Variants in CIC observed in about 807,000 individuals in gnomAD.
CIC encodes the protein protein capicua homolog.
CIC carries 18 observed loss-of-function variants against 115.7 expected under a neutral mutation model. That is an observed-to-expected ratio of 0.16 (90% CI 0.11 to 0.23). The LOEUF is 0.23. Among genes scored for constraint, CIC ranks in the 10% least tolerant of loss-of-function variants. CIC has a pLI of 1.00. For missense variants in CIC, 2,000 were observed against 2,159.3 expected (o/e 0.93, Z 1.46); for synonymous variants, 1,076 against 923.0 (o/e 1.17, Z -3.01).
rs2037763587 is a variant in CIC, at chr19:42,287,789, T to C, written c.3493-21T>C. 1 of 1,613,934 alleles carries C rather than the reference T, an allele frequency of 6.2e-7. No homozygotes were observed. Among genetic ancestry groups the C allele is most frequent in the African/African-American group, 1.3e-5 (1 of 74,906 alleles). On this transcript the variant is annotated intron_variant, in intron 6 of 20. Coordinates refer to ENST00000681038, the MANE Select transcript of CIC (RefSeq NM_001386298.1). This position sits in a 1 kb window ranked among gnomAD's most constrained non-coding sequence, Gnocchi z 8.7. ...CTGGTGGGGTGGGTGAGTGAAGGGT[T>C]GCCCTGCCCTCTCCTGCCAGGTGAA...
chr19:42,293,462 C>T (rs1014296645), intron 16 of CIC, 130 bp from the exon 17 acceptor site: 1 of 1,507,258 alleles, frequency 6.6e-7, no homozygotes, highest in Non-Finnish European at 9.0e-7. Context: ...CTGTCTTGGC[C>T]TTCCTGAGGC....
Position 42,291,734 on chromosome 19 carries a change from C to T in CIC, c.5602C>T (p.Pro1868Ser), listed in dbSNP as rs762576250. ...FSVPVQNGAQ[P>S]PSKIIQLTPV... Reference sequence around the variant, plus strand: ...AGTACCTGTGCAGAATGGTGCCCAGCCCCCCAGCAAGGTGAGGGCCTGCCT... The same window carrying T: ...AGTACCTGTGCAGAATGGTGCCCAGTCCCCCAGCAAGGTGAGGGCCTGCCT... The change falls in exon 12 of 21, where the codon CCC becomes TCC. Residue 1868 changes from proline (P) to serine (S), a missense_variant. Pro to Ser is a moderately conservative substitution (Grantham distance 74). Coordinates refer to ENST00000681038, the MANE Select transcript of CIC (RefSeq NM_001386298.1). 1 of 1,612,992 alleles carries T rather than the reference C, an allele frequency of 6.2e-7. No homozygotes were observed. The highest frequency in any genetic ancestry group is 1.1e-5 in the South Asian group (1 of 91,088).
chr19:42,288,988 TGGG>T lies in CIC; in HGVS notation c.3762_3764del (p.Gly1255del). On this transcript the variant is annotated inframe_deletion, in exon 8 of 21. Transcript: ENST00000681038. ...GTGGGGCAGAACGGCTACACACAGT[TGGG>T]GGACCTGGCTCAGCCCGGCCCCGAG... 6.2e-7 allele frequency: 1 copy of T among 1,613,884 alleles called. No homozygotes were observed. Among genetic ancestry groups the T allele is most frequent in the African/African-American group, 1.3e-5 (1 of 75,038 alleles).
intron 19 of CIC, 102 bp from the exon 20 acceptor site, chr19:42,294,502 C>A: frequency 6.3e-7 from 1 of 1,582,898 alleles, no homozygotes. Flanking sequence ...TCTGACTCCC[C>A]TGTGAAATAG....
intron 9 of CIC, among the ~76,000 whole-genome samples, 178 bp downstream of exon 9, chr19:42,289,584 C>T (rs2147238561): frequency 1.3e-5 from 2 of 152,352 alleles, no homozygotes; most frequent in South Asian, 4.1e-4. Context: ...CAGGAAGCCC[C>T]CAGCCCTGCA....
rs1229487358 is a variant in CIC at position 42,294,693 on chromosome 19, C to T, written c.7144C>T (p.Leu2382=). The T allele has an allele frequency of 1.2e-6, 2 of 1,613,778 alleles. No individual in the cohort carries two copies. Among genetic ancestry groups the T allele is most frequent in the Non-Finnish European group, 1.7e-6 (2 of 1,180,008 alleles). ...LRRTLDQRRA[L]VMQLFQDHGF... is the part of the protein sequence containing the mutation. Reference sequence around the variant, plus strand: ...GCGCACCCTGGACCAGCGCCGGGCCCTGGTCATGCAGCTCTTTCAGGACCA... The same window carrying T: ...GCGCACCCTGGACCAGCGCCGGGCCTTGGTCATGCAGCTCTTTCAGGACCA... The change falls in exon 20 of 21, where the codon CTG becomes TTG. Residue 2382 remains leucine (L), a synonymous_variant. Transcript: ENST00000681038.
intron 2 of CIC, 123 bp from the exon 3 acceptor site, chr19:42,286,648 T>G: frequency 8.6e-7 from 1 of 1,157,742 alleles, no homozygotes; most frequent in Non-Finnish European, 1.2e-6. Flanking sequence ...CAAGAGGCTC[T>G]GGTGTTGGGG....
rs760931782 is a variant in CIC at position 42,292,744 on chromosome 19, G to A, written c.6081G>A (p.Leu2027=). 1.2e-6 allele frequency: 2 copies of A among 1,613,706 alleles called. No homozygotes were observed. Among genetic ancestry groups the A allele is most frequent in the East Asian group, 2.2e-5 (1 of 44,860 alleles). ...LAQPSQAPPS[L]VYTVATSTTP... is the part of the protein sequence containing the mutation. ...AGCCATCCCAGGCCCCCCCAAGCCT[G>A]GTCTACACTGTGGCCACCAGCACAA... Residue 2027 remains leucine (L), a synonymous_variant, in exon 15 of 21, where the codon CTG becomes CTA. Coordinates refer to ENST00000681038, the MANE Select transcript of CIC (RefSeq NM_001386298.1).
chr19:42,281,095 C>T (rs2037222194), intron 2 of CIC, among the ~76,000 whole-genome samples: 1 of 143,786 alleles, frequency 7.0e-6, no homozygotes, highest in Non-Finnish European at 1.5e-5. Flanking sequence ...ATCCTGGGCT[C>T]GTTCCCCAGG....
intron 19 of CIC, 56 bp from the exon 20 acceptor site, chr19:42,294,548 G>T: frequency 1.2e-6 from 2 of 1,609,294 alleles, no homozygotes; most frequent in South Asian, 1.1e-5. Context: ...CTCAGACGGT[G>T]GCAGGAAGGC....
Position 42,274,404 on chromosome 19 carries a change from C to G in CIC, c.2621C>G (p.Ala874Gly), listed in dbSNP as rs1434038283. 1.0e-5 allele frequency: 4 copies of G among 399,074 alleles called. No individual in the cohort carries two copies. The highest frequency in any genetic ancestry group is 1.8e-5 in the Non-Finnish European group (4 of 226,480). The allele number at this position is 399,074 out of a possible 1,614,324, so 24.7% of individuals were successfully genotyped here. The change falls in exon 2 of 21, where the codon GCT becomes GGT. Residue 874 changes from alanine (A) to glycine (G), a missense_variant. Around this residue, in one of 8 missense-constraint regions of CIC, gnomAD observed 222 missense variants for 247.7 expected, o/e 0.90. Transcript: ENST00000681038. ...PAPVPITVPP[A>G]APTAVAQPMP... The stretch of plus-strand genomic sequence containing the variant: ...CCCGTGCCCATCACCGTGCCTCCAG[C>G]TGCACCAACTGCCGTGGCCCAGCCG...
At chr19:42,284,215 G>A (rs2037425774) in intron 2 of CIC, 2 of 147,296 alleles carry the variant, frequency 1.4e-5, no homozygotes, top group Non-Finnish European at 3.0e-5. Context: ...GCCGGCAGCC[G>A]GGACGCGCGG....
chr19:42,291,469 G>T lies in CIC; in HGVS notation c.5425+3G>T. 6.2e-7 allele frequency: 1 copy of T among 1,613,108 alleles called. No homozygotes were observed. The highest frequency in any genetic ancestry group is 1.1e-5 in the South Asian group (1 of 91,076). On this transcript the variant is annotated splice_donor_region_variant and intron_variant, in intron 11 of 20. Coordinates refer to ENST00000681038, the MANE Select transcript of CIC (RefSeq NM_001386298.1). Reference sequence around the variant, plus strand: ...ACCCTCCGCCCCACCCCCCAAAGGTGAGACCTGGGCCGGGCAGCACTAGGG... The same window carrying T: ...ACCCTCCGCCCCACCCCCCAAAGGTTAGACCTGGGCCGGGCAGCACTAGGG...
At chr19:42,281,455 G>GGCTGTGGGT (rs2037246247) in intron 2 of CIC, among the ~76,000 whole-genome samples, 1 of 152,202 alleles carries the variant, frequency 6.6e-6, no homozygotes, top group African/African-American at 2.4e-5. Context: ...GCACAGTGGG[G>GGCTGTGGGT]GCTGTTTAGG....
rs761572552 is a variant in CIC at position 42,295,625 on chromosome 19, G to A, written c.*434G>A. The A allele has an allele frequency of 4.2e-6, 1 of 238,964 alleles. No homozygotes were observed. Among genetic ancestry groups the A allele is most frequent in the Non-Finnish European group, 8.2e-6 (1 of 121,892 alleles). 14.8% of individuals were successfully genotyped at this position (238,964 alleles called of 1,614,324 possible). On this transcript the variant is annotated 3_prime_UTR_variant, in exon 21 of 21. Coordinates refer to ENST00000681038, the MANE Select transcript of CIC (RefSeq NM_001386298.1). ...GGCTCCTGCACTTTGCCACAGGCAC[G>A]GGGAGGGTTTTCTCCTCACCCCCTC...
At chr19:42,284,823 A>G (rs1038517618) in intron 2 of CIC, 4 of 1,431,974 alleles carry the variant, frequency 2.8e-6, no homozygotes, top group Non-Finnish European at 3.8e-6. Flanking sequence ...TCGGGGTGCT[A>G]AGTGCGGAGT....
chr19:42,280,723 G>A lies in CIC; in HGVS notation c.2795-6048G>A, dbSNP rs2037196348. ...GCTTTGTGGAGCCTGCCGGGGGTTG[G>A]CTGGGGGCCAGGCGGCGAGTGGAAA... On this transcript the variant is annotated intron_variant, in intron 2 of 20. Transcript: ENST00000681038. This position sits in a 1 kb window ranked among gnomAD's most constrained non-coding sequence, Gnocchi z 4.9. Among the ~76,000 whole-genome samples the A allele has an allele frequency of 6.6e-6, 1 of 152,098 alleles. No homozygotes were observed. Among genetic ancestry groups the A allele is most frequent in the South Asian group, 2.1e-4 (1 of 4,834 alleles).
rs2038414322 is a variant in CIC at position 42,295,009 on chromosome 19, C to T, written c.7372C>T (p.Pro2458Ser). 2.5e-6 allele frequency: 4 copies of T among 1,594,058 alleles called. No homozygotes were observed. Among genetic ancestry groups the T allele is most frequent in the African/African-American group, 1.3e-5 (1 of 74,742 alleles). The change falls in exon 21 of 21, where the codon CCC (proline) becomes TCC (serine). Residue 2458 changes from proline (P) to serine (S), a missense_variant. Around this residue, in one of 8 missense-constraint regions of CIC, gnomAD observed 133 missense variants for 116.0 expected, o/e 1.15. Coordinates refer to ENST00000681038, the MANE Select transcript of CIC (RefSeq NM_001386298.1). ...CACTGGCACCGCTGCTGCCCCTGCC[C>T]CCACTCCCAGCCCCGCAGGGGGCCC... The part of the protein sequence containing the change: ...PPTGTAAAPA[P>S]TPSPAGGPDP...
Position 42,272,920 on chromosome 19 carries a change from C to T in CIC, c.1137C>T (p.Pro379=), listed in dbSNP as rs779296935. 14 of 399,348 alleles carry T rather than the reference C, an allele frequency of 3.5e-5. No individual in the cohort carries two copies. Among genetic ancestry groups the T allele is most frequent in the Admixed American group, 8.8e-5 (2 of 22,740 alleles). The allele number at this position is 399,348 out of a possible 1,614,324, so 24.7% of individuals were successfully genotyped here. ...PCPAALDPKQ[P]EDAEVSKISF... is the part of the protein sequence containing the mutation. ...CTGCTGCCCTGGACCCCAAACAGCC[C>T]GAGGATGCTGAGGTCTCTAAGATCA... is the stretch of plus-strand genomic sequence containing the variant. The change falls in exon 2 of 21, where the codon CCC becomes CCT. Residue 379 remains proline (P), a synonymous_variant. Coordinates refer to ENST00000681038, the MANE Select transcript of CIC (RefSeq NM_001386298.1).
Sources: gnomAD v4.1 joint callset for allele counts (sites outside exome capture counted in the v4.1 genomes callset) on GRCh38, gnomAD v4.1.1 for gene constraint, gnomAD v4.1.1 regional missense constraint, Gnocchi (gnomAD v3.1) non-coding constraint, MANE v1.5 for transcripts, NCBI Gene and HGNC (gene_info 2026-07-23, HGNC 2026-07-21) for gene names.